Variants in SLC16A2 observed in about 807,000 individuals in gnomAD.
The protein encoded by SLC16A2 is solute carrier family 16 member 2, also known as monocarboxylate transporter 8.
Under a neutral mutation model 27.2 loss-of-function variants are expected in SLC16A2, and 3 were observed. The ratio of observed to expected loss-of-function variants is 0.11; its 90% CI spans 0.05 to 0.28. SLC16A2 has a LOEUF of 0.28. SLC16A2 is among the 10% of genes least tolerant of loss of function. The pLI, the probability that SLC16A2 is intolerant of heterozygous loss-of-function variation, is 1.00. For synonymous variants in SLC16A2, 202 were observed against 187.8 expected (o/e 1.08, Z -0.62); for missense variants, 295 against 458.5 (o/e 0.64, Z 3.26).
chrX:74,470,246 T>A (rs1929329288), intron 1 of SLC16A2, among the ~76,000 whole-genome samples: 1 of 112,669 alleles, frequency 8.9e-6, no homozygotes, highest in Admixed American at 9.4e-5. Flanking sequence ...CTTCCAAGTT[T>A]TGGCAATTAT....
chrX:74,443,525 C>T (rs1264985733), intron 1 of SLC16A2, among the ~76,000 whole-genome samples: 1 of 112,291 alleles, frequency 8.9e-6, no homozygotes, highest in African/African-American at 3.2e-5. Context: ...TGGCCCGGGG[C>T]TCTGACTCAG....
chrX:74,469,121 G>C (rs1027153889), intron 1 of SLC16A2, among the ~76,000 whole-genome samples: 23 of 111,852 alleles, frequency 2.1e-4, no homozygotes, highest in African/African-American at 6.8e-4. Flanking sequence ...ATGACTTTCA[G>C]TTCTACTCAC....
chrX:74,492,795 G>T lies in SLC16A2; in HGVS notation c.431-28195G>T, dbSNP rs1929855118. Among the ~76,000 whole-genome samples the T allele has an allele frequency of 2.7e-5, 3 of 111,254 alleles. No homozygotes were observed. The South Asian group carries it at 1.2e-3, about 43-fold the overall frequency. The stretch of plus-strand genomic sequence containing the variant: ...AAACACGAGATTCCCTAGACCATCT[G>T]CATTCCACCTTCTTTCCCTCCCCCT... On this transcript the variant is annotated intron_variant, in intron 1 of 5. Transcript: ENST00000587091.
chrX:74,464,949 C>T (rs763841538), intron 1 of SLC16A2, among the ~76,000 whole-genome samples: 7 of 111,595 alleles, frequency 6.3e-5, no homozygotes, highest in Non-Finnish European at 1.1e-4. Context: ...ACAACAACAA[C>T]AACAACAACA....
At chrX:74,513,352 C>T (rs1199532204) in intron 1 of SLC16A2, among the ~76,000 whole-genome samples, 1 of 111,653 alleles carries the variant, frequency 9.0e-6, no homozygotes, top group Admixed American at 9.5e-5. Flanking sequence ...CTTTGTCTTC[C>T]CCATATAAGA....
intron 1 of SLC16A2, among the ~76,000 whole-genome samples, chrX:74,433,390 AC>A (rs1431038905): frequency 9.3e-6 from 1 of 107,789 alleles, no homozygotes; most frequent in African/African-American, 3.4e-5. Context: ...AAAAAAAAGT[AC>A]CCGTGCAGAT....
chrX:74,474,601 G>A (rs1386656853), intron 1 of SLC16A2, among the ~76,000 whole-genome samples: 1 of 109,586 alleles, frequency 9.1e-6, no homozygotes, highest in Non-Finnish European at 1.9e-5. Context: ...TTAACATTAG[G>A]TATATCTCCT....
chrX:74,444,625 G>A (rs1302284371), intron 1 of SLC16A2, among the ~76,000 whole-genome samples: 2 of 112,220 alleles, frequency 1.8e-5, no homozygotes, highest in African/African-American at 3.2e-5. Context: ...TTTAAAGTTT[G>A]ACACAGGGTT....
At chrX:74,492,631 A>G (rs1007065042) in intron 1 of SLC16A2, among the ~76,000 whole-genome samples, 2 of 110,828 alleles carry the variant, frequency 1.8e-5, no homozygotes, top group Non-Finnish European at 3.8e-5. Context: ...GGTTTTGCAA[A>G]GGAGCAGAAT....
intron 1 of SLC16A2, among the ~76,000 whole-genome samples, chrX:74,506,906 A>T (rs1930138695): frequency 1.1e-5 from 1 of 95,004 alleles, no homozygotes; most frequent in Non-Finnish European, 2.1e-5. Flanking sequence ...TGTGATATTT[A>T]TTATTTATTT....
chrX:74,508,603 A>G (rs1930175474), intron 1 of SLC16A2, among the ~76,000 whole-genome samples: 2 of 111,181 alleles, frequency 1.8e-5, no homozygotes, highest in Admixed American at 1.9e-4. Context: ...GAGTCCTTTG[A>G]TTTTTCTAGG....
In SLC16A2 at chrX:74,533,603, A is replaced by G. The variant is rs189031483; in HGVS notation, c.*2050A>G. The G allele has an allele frequency of 4.1e-4, 46 of 112,734 alleles. No homozygotes were observed. The highest frequency in any genetic ancestry group is 1.5e-3 in the African/African-American group (45 of 30,932). 9.3% of individuals were successfully genotyped at this position (112,734 alleles called of 1,213,427 possible). A position where few individuals can be genotyped will look rare whatever the true frequency, so the allele number is the denominator to read the frequency against. On this transcript the variant is annotated 3_prime_UTR_variant, in exon 6 of 6. Coordinates refer to ENST00000587091, the MANE Select transcript of SLC16A2 (RefSeq NM_006517.5). ...GCTTAAGATGCAGATGGCTCTTAAG[A>G]ATCAGGCAGTCGCCCACTTCTCTCC...
intron 1 of SLC16A2, among the ~76,000 whole-genome samples, chrX:74,474,609 C>G (rs1298203269): frequency 9.1e-6 from 1 of 110,185 alleles, no homozygotes; most frequent in African/African-American, 3.3e-5. Flanking sequence ...AGGTATATCT[C>G]CTAATGCTAT....
intron 1 of SLC16A2, among the ~76,000 whole-genome samples, chrX:74,490,615 GGCCACT>G (rs1186386797): frequency 3.6e-5 from 4 of 111,014 alleles, no homozygotes; most frequent in Admixed American, 9.6e-5. Flanking sequence ...TTCCCTGTAG[GGCCACT>G]GCACATCATG....
At chrX:74,454,981 A>C in intron 1 of SLC16A2, among the ~76,000 whole-genome samples, 1 of 112,260 alleles carries the variant, frequency 8.9e-6, no homozygotes. Flanking sequence ...TATTATCTGC[A>C]TTGTTGGTGC....
chrX:74,470,735 G>A lies in SLC16A2; in HGVS notation c.430+48668G>A, dbSNP rs778338073. On this transcript the variant is annotated intron_variant, in intron 1 of 5. Transcript: ENST00000587091. ...GCCGAGGCGGGCAGATCAGGAGATC[G>A]AGATCATCCTGGCTAACACAGTGAA... Among the ~76,000 whole-genome samples, 30 of 111,140 alleles carry A rather than the reference G, an allele frequency of 2.7e-4. No homozygotes were observed. In the South Asian group the frequency reaches 9.9e-3, roughly 37 times the overall value.
At chrX:74,511,432 C>A (rs1007364750) in intron 1 of SLC16A2, among the ~76,000 whole-genome samples, 5 of 112,113 alleles carry the variant, frequency 4.5e-5, no homozygotes, top group Non-Finnish European at 9.4e-5. Context: ...CCTCACGCCT[C>A]GGCCTCCCAA....
intron 1 of SLC16A2, among the ~76,000 whole-genome samples, chrX:74,467,804 C>A (rs1312061946): frequency 1.8e-5 from 2 of 111,478 alleles, no homozygotes; most frequent in Admixed American, 9.6e-5. Context: ...CTCCCAGAAA[C>A]CACTCATGAA....
At chrX:74,458,191 T>C (rs937076653) in intron 1 of SLC16A2, among the ~76,000 whole-genome samples, 4 of 111,892 alleles carry the variant, frequency 3.6e-5, no homozygotes, top group African/African-American at 1.3e-4. Context: ...CCTAGCTTTA[T>C]TGGAGCATAA....
Sources: allele counts gnomAD v4.1 joint callset (sites outside exome capture counted in the v4.1 genomes callset), GRCh38; gene constraint gnomAD v4.1.1; transcripts MANE v1.5; gene names NCBI Gene and HGNC (gene_info 2026-07-23, HGNC 2026-07-21).